The following HEPHL1 variants were observed in gnomAD, a reference collection of about 807,000 sequenced individuals.
The protein encoded by HEPHL1 is ferroxidase HEPHL1.
A neutral mutation model predicts 122.0 loss-of-function variants in HEPHL1; 123 were observed. The ratio of observed to expected loss-of-function variants is 1.01; its 90% CI spans 0.87 to 1.17. The LOEUF is 1.17. HEPHL1 is among the 50% of genes most tolerant of loss of function. The probability of loss-of-function intolerance (pLI) is 0.00; values close to 1 mark genes in which losing one functional copy is unlikely to be tolerated. For synonymous variants in HEPHL1, 527 were observed against 508.9 expected (o/e 1.04, Z -0.48); for missense variants, 1,452 against 1,430.5 (o/e 1.01, Z -0.24).
intron 9 of HEPHL1, 40 bp downstream of exon 9, chr11:94,075,425 T>C: frequency 1.4e-6 from 2 of 1,436,196 alleles, no homozygotes; most frequent in Middle Eastern, 2.4e-4. Context: ...CAGGGTTGTA[T>C]GTGGGAGAGA....
chr11:94,088,976 A>C lies in HEPHL1; in HGVS notation c.2294+8A>C. ...GGACGCAAGAGGGGAAAGGTACCAC[A>C]GGCGCCGCCGCTAGGGCTCCTCGGT... On this transcript the variant is annotated splice_region_variant and intron_variant, in intron 12 of 19. Transcript: ENST00000315765. 6 of 1,613,422 alleles carry C rather than the reference A, an allele frequency of 3.7e-6. No individual in the cohort carries two copies. Among genetic ancestry groups the C allele is most frequent in the Non-Finnish European group, 4.2e-6 (5 of 1,179,410 alleles).
At chr11:94,063,860 G>A in intron 3 of HEPHL1, 140 bp downstream of exon 3, 1 of 686,272 alleles carries the variant, frequency 1.5e-6, no homozygotes, top group Non-Finnish European at 2.5e-6. Context: ...AGATCAATCT[G>A]ACACCATAGC....
At chr11:94,053,361 G>A (rs1945908055) in intron 2 of HEPHL1, among the ~76,000 whole-genome samples, 1 of 151,958 alleles carries the variant, frequency 6.6e-6, no homozygotes, top group East Asian at 1.9e-4. Context: ...CTCTTGGCCA[G>A]TCTAAATGAA....
At position 94,103,026 on chromosome 11, in the gene HEPHL1, G is replaced by T; in HGVS notation, c.2682+6G>T. ...CAACAGTAAACTTTGTGAAGGTAAG[G>T]TGGAGAAAGCAACCAAAAGGCTTAA... On this transcript the variant is annotated splice_donor_region_variant and intron_variant, in intron 15 of 19. Transcript: ENST00000315765. 1 of 1,507,594 alleles carries T rather than the reference G, an allele frequency of 6.6e-7. No individual in the cohort carries two copies. Among genetic ancestry groups the T allele is most frequent in the Non-Finnish European group, 9.2e-7 (1 of 1,083,512 alleles). The allele number at this position is 1,507,594 out of a possible 1,614,324, so 93.4% of individuals were successfully genotyped here.
chr11:94,095,347 G>T (rs969351678), intron 13 of HEPHL1, among the ~76,000 whole-genome samples: 2 of 152,086 alleles, frequency 1.3e-5, no homozygotes, highest in Non-Finnish European at 2.9e-5. Context: ...CTGTTCCATT[G>T]GTCTATATCT....
chr11:94,104,031 G>A (rs932855102), intron 15 of HEPHL1, among the ~76,000 whole-genome samples: 1 of 152,210 alleles, frequency 6.6e-6, no homozygotes, highest in Non-Finnish European at 1.5e-5. Flanking sequence ...ACTTGTAACT[G>A]TAATAGAGCT....
At chr11:94,097,314 C>T (rs1221634988) in intron 13 of HEPHL1, among the ~76,000 whole-genome samples, 4 of 152,074 alleles carry the variant, frequency 2.6e-5, no homozygotes, top group African/African-American at 7.2e-5. Context: ...AGTTTCCATG[C>T]AGTTGAGTGA....
At chr11:94,104,807 T>A in intron 16 of HEPHL1, 57 bp downstream of exon 16, 1 of 1,320,904 alleles carries the variant, frequency 7.6e-7, no homozygotes, top group Non-Finnish European at 1.1e-6. Flanking sequence ...GGAATTCCTG[T>A]AAATGTAGGA....
chr11:94,031,127 G>A (rs1040879044), intron 1 of HEPHL1, among the ~76,000 whole-genome samples: 2 of 151,916 alleles, frequency 1.3e-5, no homozygotes, highest in East Asian at 1.9e-4. Flanking sequence ...TCAATAAAAC[G>A]TGAGCTTGTT....
chr11:94,046,058 T>C, intron 2 of HEPHL1, 141 bp downstream of exon 2: 1 of 495,524 alleles, frequency 2.0e-6, no homozygotes, highest in South Asian at 2.5e-5. Context: ...TCCATCTCCA[T>C]CTATCTATTC....
intron 1 of HEPHL1, among the ~76,000 whole-genome samples, chr11:94,032,580 G>C (rs1437670822): frequency 6.6e-6 from 1 of 152,196 alleles, no homozygotes; most frequent in Non-Finnish European, 1.5e-5. Flanking sequence ...GGCATACCCA[G>C]CAAACTGAAG....
At chr11:94,059,819 T>C (rs1233144208) in intron 2 of HEPHL1, among the ~76,000 whole-genome samples, 7 of 152,022 alleles carry the variant, frequency 4.6e-5, no homozygotes, top group Admixed American at 4.6e-4. Flanking sequence ...TAACTCCTAA[T>C]AATAATAAAA....
In HEPHL1 at chr11:94,088,986, G is replaced by T. The variant is rs183323583; in HGVS notation, c.2294+18G>T. The T allele has an allele frequency of 1.9e-4, 301 of 1,610,110 alleles. No individual in the cohort carries two copies. Among genetic ancestry groups the T allele is most frequent in the Middle Eastern group, 8.3e-4 (5 of 6,038 alleles). The stretch of plus-strand genomic sequence containing the variant: ...GGGGAAAGGTACCACAGGCGCCGCC[G>T]CTAGGGCTCCTCGGTGGGATCGCGC... On this transcript the variant is annotated intron_variant, in intron 12 of 19. Transcript: ENST00000315765.
Position 94,088,848 on chromosome 11 carries a change from C to A in HEPHL1, c.2174C>A (p.Ser725Tyr), listed in dbSNP as rs1281306469. ...AGCAGCTGTGACAACAGGGACCCTTCTGAGCAGCGGTACGGGATGATAAGA... is the reference window on the plus strand; with the variant it reads ...AGCAGCTGTGACAACAGGGACCCTTATGAGCAGCGGTACGGGATGATAAGA... The part of the protein sequence containing the change: ...EVSSCDNRDP[S>Y]EQRYGMIRTF... Residue 725 changes from serine to tyrosine, a missense_variant, in exon 12 of 20, where the codon TCT becomes TAT. By Grantham distance (144) the Ser-to-Tyr change is moderately radical. Coordinates refer to ENST00000315765, the MANE Select transcript of HEPHL1 (RefSeq NM_001098672.2). 1.2e-6 allele frequency: 2 copies of A among 1,613,874 alleles called. No homozygotes were observed. Among genetic ancestry groups the A allele is most frequent in the East Asian group, 4.5e-5 (2 of 44,890 alleles).
intron 1 of HEPHL1, among the ~76,000 whole-genome samples, chr11:94,029,094 G>T (rs576776409): frequency 6.6e-6 from 1 of 152,244 alleles, no homozygotes; most frequent in African/African-American, 2.4e-5. Context: ...CTCCCAAAAT[G>T]CTGGGATTAG....
chr11:94,055,101 A>G, intron 2 of HEPHL1: 1 of 189,262 alleles, frequency 5.3e-6, no homozygotes, highest in Non-Finnish European at 1.1e-5. Context: ...ACTGGTATGT[A>G]ATATCATCTG....
chr11:94,075,043 A>G, intron 8 of HEPHL1, 131 bp from the exon 9 acceptor site: 1 of 696,842 alleles, frequency 1.4e-6, no homozygotes, highest in Non-Finnish European at 2.5e-6. Context: ...TAGGATACAT[A>G]AGAGAAAACC....
chr11:94,044,070 A>G (rs1171534370), intron 1 of HEPHL1, among the ~76,000 whole-genome samples: 1 of 151,820 alleles, frequency 6.6e-6, no homozygotes, highest in African/African-American at 2.4e-5. Context: ...GCTTTTGCTC[A>G]AGCAGAAGCC....
chr11:94,089,968 A>T (rs1946252235), intron 12 of HEPHL1, among the ~76,000 whole-genome samples: 1 of 151,920 alleles, frequency 6.6e-6, no homozygotes, highest in Admixed American at 6.6e-5. Flanking sequence ...CACCTCATAG[A>T]CATCCTCCGT....
Sources: gnomAD v4.1 joint callset for allele counts (sites outside exome capture counted in the v4.1 genomes callset) on GRCh38, gnomAD v4.1.1 for gene constraint, MANE v1.5 for transcripts, NCBI Gene and HGNC (gene_info 2026-07-23, HGNC 2026-07-21) for gene names.